GREM2: variants seen among roughly 807,000 people sequenced by gnomAD.
GREM2 encodes gremlin-2.
In GREM2, 11 loss-of-function variants were observed where a neutral mutation model predicts 14.2. That is an observed-to-expected ratio of 0.78 (90% CI 0.49 to 1.28). GREM2 has a LOEUF of 1.28. GREM2 is among the 50% of genes most tolerant of loss of function. The pLI, the probability that GREM2 is intolerant of heterozygous loss-of-function variation, is 0.00. For synonymous variants in GREM2, 98 were observed against 97.6 expected, an observed-to-expected ratio of 1.00 and a Z score of -0.02; for missense variants, 210 against 218.5, an observed-to-expected ratio of 0.96 and a Z score of 0.24.
chr1:240,563,242 T>C (rs772069902), intron 1 of GREM2, among the ~76,000 whole-genome samples: 2 of 152,014 alleles, frequency 1.3e-5, no homozygotes, highest in Non-Finnish European at 2.9e-5. Context: ...AGTGTGTGTG[T>C]ATGCACAGGA....
chr1:240,522,138 A>AAAC (rs1553273916), intron 1 of GREM2, among the ~76,000 whole-genome samples: 75 of 150,864 alleles, frequency 5.0e-4, no homozygotes, highest in African/African-American at 1.8e-3. Flanking sequence ...AAAAAAAACA[A>AAAC]AAACAAACAA....
At chr1:240,589,590 C>T (rs561557350) in intron 1 of GREM2, among the ~76,000 whole-genome samples, 16 of 152,120 alleles carry the variant, frequency 1.1e-4, no homozygotes, top group African/African-American at 2.9e-4. Flanking sequence ...CCTAAGGGTG[C>T]CTTGTTCCTA....
intron 1 of GREM2, among the ~76,000 whole-genome samples, chr1:240,529,997 GGACTTGAAGTCAGAA>G (rs1248212242): frequency 1.3e-5 from 2 of 152,066 alleles, no homozygotes; most frequent in African/African-American, 4.8e-5. Context: ...AGGAAATATT[GGACTTGAAGTCAGAA>G]GACTAGGGTT....
intron 1 of GREM2, 76 bp from the exon 2 acceptor site, chr1:240,493,552 T>A (rs75027152): frequency 0.014 from 19,930 of 1,404,284 alleles, 14 homozygotes; most frequent in South Asian, 0.039. Flanking sequence ...TTTTTTTTTT[T>A]ATTTTAGACA....
At chr1:240,520,650 C>T (rs1389095747) in intron 1 of GREM2, among the ~76,000 whole-genome samples, 9 of 151,936 alleles carry the variant, frequency 5.9e-5, no homozygotes, top group Admixed American at 4.6e-4. Context: ...TCAAGCAATT[C>T]TCCTGCCTCA....
chr1:240,610,084 A>G (rs1021686857), intron 1 of GREM2, among the ~76,000 whole-genome samples: 1 of 152,134 alleles, frequency 6.6e-6, no homozygotes, highest in African/African-American at 2.4e-5. Flanking sequence ...CACACTCACA[A>G]AGTTGCTACC....
In GREM2 at chr1:240,587,494, G is replaced by A. The variant is rs145031475; in HGVS notation, c.-2+24390C>T. Among the ~76,000 whole-genome samples, 22 of 151,696 alleles carry A rather than the reference G, an allele frequency of 1.5e-4. No individual in the cohort carries two copies. The East Asian group carries it at 4.1e-3, about 28-fold the overall frequency. On this transcript the variant is annotated intron_variant, in intron 1 of 1. Transcript: ENST00000318160. Reference sequence around the variant, plus strand: ...AAGCCACTGTGACTGGCTAATTTTTGTATTTTTAGTAGAGACAGAATTTTG... The same window carrying A: ...AAGCCACTGTGACTGGCTAATTTTTATATTTTTAGTAGAGACAGAATTTTG...
intron 1 of GREM2, among the ~76,000 whole-genome samples, chr1:240,519,548 T>C (rs1232890418): frequency 6.6e-6 from 1 of 152,164 alleles, no homozygotes; most frequent in Non-Finnish European, 1.5e-5. Flanking sequence ...ACATATACGG[T>C]ATTCACGTAA....
intron 1 of GREM2, among the ~76,000 whole-genome samples, chr1:240,589,800 C>T (rs1679671593): frequency 6.6e-6 from 1 of 152,096 alleles, no homozygotes; most frequent in South Asian, 2.1e-4. Context: ...AGTGCAAAGT[C>T]CTTTGGGAGG....
At chr1:240,597,203 G>A (rs1224587198) in intron 1 of GREM2, among the ~76,000 whole-genome samples, 1 of 152,190 alleles carries the variant, frequency 6.6e-6, no homozygotes, top group Non-Finnish European at 1.5e-5. Context: ...CCGCTGTCTC[G>A]GGTGTGCAAC....
chr1:240,550,103 T>A (rs1678815838), intron 1 of GREM2: 2 of 152,066 alleles, frequency 1.3e-5, no homozygotes, highest in South Asian at 4.2e-4. Context: ...CTCACCACAA[T>A]CTCCCGCCTC....
At chr1:240,515,986 G>C (rs190286962) in intron 1 of GREM2, among the ~76,000 whole-genome samples, 201 of 152,130 alleles carry the variant, frequency 1.3e-3, no homozygotes, top group African/African-American at 4.7e-3. Flanking sequence ...TGAAATCATG[G>C]ATCTTTCTTC....
chr1:240,557,725 G>A (rs2103345983), intron 1 of GREM2, among the ~76,000 whole-genome samples: 1 of 152,092 alleles, frequency 6.6e-6, no homozygotes, highest in South Asian at 2.1e-4. Context: ...ACAAAAAAGA[G>A]AAGGACAAGG....
chr1:240,564,707 T>C (rs922843747), intron 1 of GREM2, among the ~76,000 whole-genome samples: 4 of 152,148 alleles, frequency 2.6e-5, no homozygotes, highest in African/African-American at 9.7e-5. Context: ...GGTCATATGG[T>C]TCTGTAACAC....
At chr1:240,536,095 C>G (rs1016400676) in intron 1 of GREM2, among the ~76,000 whole-genome samples, 3 of 152,090 alleles carry the variant, frequency 2.0e-5, no homozygotes, top group African/African-American at 4.8e-5. Flanking sequence ...GGAACTGGAA[C>G]CACAGTACCT....
intron 1 of GREM2, among the ~76,000 whole-genome samples, chr1:240,494,628 G>C (rs1395579694): frequency 6.6e-6 from 1 of 152,152 alleles, no homozygotes; most frequent in Non-Finnish European, 1.5e-5. Flanking sequence ...TAATTCCCAG[G>C]TGTGAATTAA....
In GREM2 at chr1:240,510,066, G is replaced by A. The variant is rs79565032; in HGVS notation, c.-1-16590C>T. Among the ~76,000 whole-genome samples the A allele has an allele frequency of 7.7e-3, 1,166 of 152,072 alleles. 8 individuals are homozygous for A. Among genetic ancestry groups the A allele is most frequent in the African/African-American group, 0.025 (1,043 of 41,508 alleles). Reference sequence around the variant, plus strand: ...ACATCCATTTATAAAAATAATTATCGCTCTTTAAAAAGCAAATGGTAGGCC... The same window carrying A: ...ACATCCATTTATAAAAATAATTATCACTCTTTAAAAAGCAAATGGTAGGCC... On this transcript the variant is annotated intron_variant, in intron 1 of 1. Coordinates refer to ENST00000318160, the MANE Select transcript of GREM2 (RefSeq NM_022469.4).
intron 1 of GREM2, among the ~76,000 whole-genome samples, chr1:240,590,421 C>T (rs910221946): frequency 2.2e-4 from 31 of 140,722 alleles, no homozygotes; most frequent in African/African-American, 8.5e-4. Context: ...TTTACTTTTT[C>T]TTTTTCTTTC....
intron 1 of GREM2, among the ~76,000 whole-genome samples, chr1:240,499,017 A>C (rs1275435240): frequency 6.6e-6 from 1 of 152,194 alleles, no homozygotes; most frequent in Non-Finnish European, 1.5e-5. Flanking sequence ...GCCTCTGTAG[A>C]TACCAGAATA....
Sources: allele counts gnomAD v4.1 joint callset (sites outside exome capture counted in the v4.1 genomes callset), GRCh38; gene constraint gnomAD v4.1.1; transcripts MANE v1.5; gene names NCBI Gene and HGNC (gene_info 2026-07-23, HGNC 2026-07-21).